STK36: variants seen among roughly 807,000 people sequenced by gnomAD.
STK36 encodes serine/threonine-protein kinase 36.
In STK36, 116 loss-of-function variants were observed where a neutral mutation model predicts 142.2. That is an observed-to-expected ratio of 0.82 (90% CI 0.70 to 0.95). The LOEUF is 0.95. Ranked by LOEUF, STK36 falls within the 40% of genes least tolerant of loss-of-function variation. The pLI, the probability that STK36 is intolerant of heterozygous loss-of-function variation, is 0.00. For synonymous variants in STK36, 619 were observed against 641.7 expected, an observed-to-expected ratio of 0.96 and a Z score of 0.53; for missense variants, 1,422 against 1,617.2, an observed-to-expected ratio of 0.88 and a Z score of 2.07.
chr2:218,700,495 A>T (rs2710258), intron 26 of STK36, among the ~76,000 whole-genome samples: 1 of 151,878 alleles, frequency 6.6e-6, no homozygotes, highest in East Asian at 2.0e-4. Context: ...TCTGCCTCCC[A>T]GGTTCAAGTG....
chr2:218,681,129 G>GTT (rs544336140), intron 10 of STK36, among the ~76,000 whole-genome samples: 23 of 133,690 alleles, frequency 1.7e-4, no homozygotes, highest in Admixed American at 2.3e-4. Context: ...TACCACAATC[G>GTT]TTTTTTTTTT....
In STK36 at chr2:218,672,522, T is replaced by A. The variant is rs928036175; in HGVS notation, c.-89-219T>A. On this transcript the variant is annotated intron_variant, in intron 1 of 26. Transcript: ENST00000295709. ...AAGAGTAGGGTCGAGTGAGCCAGGCTGGGTGAGGGAGAAGGGGAACCAGGT... is the reference window on the plus strand; with the variant it reads ...AAGAGTAGGGTCGAGTGAGCCAGGCAGGGTGAGGGAGAAGGGGAACCAGGT... 1.4e-5 allele frequency: 5 copies of A among 368,272 alleles called. No individual in the cohort carries two copies. In the Admixed American group the frequency reaches 2.0e-4, roughly 15 times the overall value. The allele number at this position is 368,272 out of a possible 1,614,324, so 22.8% of individuals were successfully genotyped here.
At chr2:218,695,596 C>G (rs1388145613) in intron 21 of STK36, among the ~76,000 whole-genome samples, 1 of 137,862 alleles carries the variant, frequency 7.3e-6, no homozygotes, top group Non-Finnish European at 1.5e-5. Flanking sequence ...TGTAGTGGCA[C>G]GATCTTGGCT....
intron 25 of STK36, 58 bp downstream of exon 25, chr2:218,698,059 A>G (rs1245848634): frequency 6.2e-6 from 10 of 1,605,680 alleles, no homozygotes; most frequent in Non-Finnish European, 7.7e-6. Flanking sequence ...TGTATCCTCT[A>G]ATTTACTTCC....
Position 218,692,261 on chromosome 2 carries a change from C to G in STK36, c.1883C>G (p.Thr628Arg). 6.2e-7 allele frequency: 1 copy of G among 1,614,198 alleles called. No homozygotes were observed. Among genetic ancestry groups the G allele is most frequent in the Non-Finnish European group, 8.5e-7 (1 of 1,180,044 alleles). The change falls in exon 15 of 27, where the codon ACA becomes AGA. Residue 628 changes from threonine to arginine, a missense_variant. Thr to Arg is a moderately conservative substitution (Grantham distance 71). This residue lies in a region of STK36 where 962 missense variants were observed against 1,167.5 expected (regional missense o/e 0.82). Coordinates refer to ENST00000295709, the MANE Select transcript of STK36 (RefSeq NM_015690.5). ...VVLDGLLHGL[T>R]VPQLPVHTPQ... ...TTGGATGGGCTCCTTCATGGCTTGA[C>G]AGTTCCACAGCTCCCTGTCCACACT...
chr2:218,672,858 T>G lies in STK36; in HGVS notation c.29T>G (p.Ile10Ser). 6.2e-7 allele frequency: 1 copy of G among 1,614,062 alleles called. No homozygotes were observed. The highest frequency in any genetic ancestry group is 1.1e-5 in the South Asian group (1 of 91,068). ...GAAAAGTACCACGTGTTGGAGATGA[T>G]TGGAGAAGGCTCTTTTGGGAGGGTG... Reference protein sequence around the residue: MEKYHVLEMIGEGSFGRVYK... With the variant: MEKYHVLEMSGEGSFGRVYK... The change falls in exon 2 of 27, where the codon ATT becomes AGT. Residue 10 changes from isoleucine (I) to serine (S), a missense_variant. Ile to Ser is a moderately radical substitution (Grantham distance 142, BLOSUM62 -2). Around this residue, in one of 2 missense-constraint regions of STK36, gnomAD observed 460 missense variants for 449.6 expected, o/e 1.02. Transcript: ENST00000295709.
At chr2:218,676,947 G>A (rs967435971) in intron 6 of STK36, among the ~76,000 whole-genome samples, 1 of 151,970 alleles carries the variant, frequency 6.6e-6, no homozygotes, top group Non-Finnish European at 1.5e-5. Flanking sequence ...ACTGCTCCCA[G>A]CCTGAGACAG....
In STK36 at chr2:218,676,045, A is replaced by T; in HGVS notation, c.451A>T (p.Ser151Cys). Residue 151 changes from serine to cysteine, a missense_variant, in exon 6 of 27, where the codon AGC (serine) becomes TGC (cysteine). By Grantham distance (112) the Ser-to-Cys change is moderately radical. Coordinates refer to ENST00000295709, the MANE Select transcript of STK36 (RefSeq NM_015690.5). Reference protein sequence around the residue: ...LCDFGFARAMSTNTMVLTSIK... With the variant: ...LCDFGFARAMCTNTMVLTSIK... Reference sequence around the variant, plus strand: ...CTTCTGCAGATTTGCCCGGGCTATGAGCACCAATACAATGGTGCTGACATC... The same window carrying T: ...CTTCTGCAGATTTGCCCGGGCTATGTGCACCAATACAATGGTGCTGACATC... The T allele has an allele frequency of 1.2e-6, 2 of 1,613,948 alleles. No individual in the cohort carries two copies. Among genetic ancestry groups the T allele is most frequent in the Non-Finnish European group, 1.7e-6 (2 of 1,179,946 alleles).
chr2:218,681,581 T>A (rs917182557), intron 10 of STK36, among the ~76,000 whole-genome samples: 1 of 152,182 alleles, frequency 6.6e-6, no homozygotes, highest in Non-Finnish European at 1.5e-5. Context: ...GCTAAGACGG[T>A]AATTTATAAA....
At position 218,696,606 on chromosome 2, in the gene STK36, A is replaced by G; in HGVS notation, c.2586+5A>G. 6.2e-7 allele frequency: 1 copy of G among 1,613,968 alleles called. No homozygotes were observed. The highest frequency in any genetic ancestry group is 8.5e-7 in the Non-Finnish European group (1 of 1,179,832). On this transcript the variant is annotated splice_donor_5th_base_variant and intron_variant, in intron 22 of 26. Coordinates refer to ENST00000295709, the MANE Select transcript of STK36 (RefSeq NM_015690.5). ...CTGTTGCAGCTCCTCACTGAGGTACAGATGGATCTTGGGATGGATGGGAAG... is the reference window on the plus strand; with the variant it reads ...CTGTTGCAGCTCCTCACTGAGGTACGGATGGATCTTGGGATGGATGGGAAG...
chr2:218,672,328 T>A, intron 1 of STK36, 113 bp downstream of exon 1: 1 of 364,194 alleles, frequency 2.7e-6, no homozygotes, highest in Non-Finnish European at 5.1e-6. Context: ...AGGGAATCCG[T>A]CCCTTGGCCT....
chr2:218,680,610 C>T lies in STK36; in HGVS notation c.1144C>T (p.Arg382Trp), dbSNP rs199949532. The change falls in exon 10 of 27, where the codon CGG (arginine) becomes TGG (tryptophan). Residue 382 changes from arginine to tryptophan, a missense_variant. Physicochemically the swap from Arg to Trp is moderately radical, Grantham distance 101. Around this residue, in one of 2 missense-constraint regions of STK36, gnomAD observed 962 missense variants for 1,167.5 expected, o/e 0.82. Coordinates refer to ENST00000295709, the MANE Select transcript of STK36 (RefSeq NM_015690.5). Reference sequence around the variant, plus strand: ...CTTGGCTTCCTCCGGCAGGGAAAACCGGACCACCCCAGATTGTGAACGAGC... The same window carrying T: ...CTTGGCTTCCTCCGGCAGGGAAAACTGGACCACCCCAGATTGTGAACGAGC... ...GEVPSAPREN[R>W]TTPDCERAFP... 25 of 1,612,790 alleles carry T rather than the reference C, an allele frequency of 1.6e-5. No individual in the cohort carries two copies. Among genetic ancestry groups the T allele is most frequent in the East Asian group, 8.9e-5 (4 of 44,856 alleles).
chr2:218,678,467 TCCCTATGGG>T (rs1366023486), intron 6 of STK36, among the ~76,000 whole-genome samples: 2 of 152,170 alleles, frequency 1.3e-5, no homozygotes, highest in Admixed American at 6.5e-5. Context: ...ATATTCATTC[TCCCTATGGG>T]CAGATACTCA....
chr2:218,680,268 G>A (rs1428552628), intron 9 of STK36, among the ~76,000 whole-genome samples, 188 bp downstream of exon 9: 1 of 152,096 alleles, frequency 6.6e-6, no homozygotes, highest in African/African-American at 2.4e-5. Context: ...GGAAACTTGG[G>A]GACTTTCTCT....
chr2:218,676,218 G>A lies in STK36; in HGVS notation c.624G>A (p.Leu208=), dbSNP rs775570767. 6.2e-7 allele frequency: 1 copy of A among 1,614,102 alleles called. No individual in the cohort carries two copies. Among genetic ancestry groups the A allele is most frequent in the East Asian group, 2.2e-5 (1 of 44,882 alleles). ...PPFYATSIFQ[L]VSLILKDPVR... Reference sequence around the variant, plus strand: ...TCTATGCTACAAGCATCTTTCAGCTGGTCAGCCTCATTCTCAAGGACCCTG... The same window carrying A: ...TCTATGCTACAAGCATCTTTCAGCTAGTCAGCCTCATTCTCAAGGACCCTG... The change falls in exon 6 of 27, where the codon CTG becomes CTA. Residue 208 remains leucine, a synonymous_variant. Coordinates refer to ENST00000295709, the MANE Select transcript of STK36 (RefSeq NM_015690.5).
At chr2:218,701,124 G>A (rs1233566450) in intron 26 of STK36, among the ~76,000 whole-genome samples, 1 of 146,216 alleles carries the variant, frequency 6.8e-6, no homozygotes, top group Non-Finnish European at 1.5e-5. Context: ...AATTTGAGAG[G>A]ATGGTGAAGA....
Position 218,694,295 on chromosome 2 carries a change from CTCTT to C in STK36, c.2370_2373del (p.Phe791ProfsTer9). The C allele has an allele frequency of 6.2e-7, 1 of 1,614,154 alleles. No homozygotes were observed. The highest frequency in any genetic ancestry group is 8.5e-7 in the Non-Finnish European group (1 of 1,179,988). On this transcript the variant is annotated frameshift_variant, in exon 20 of 27. Coordinates refer to ENST00000295709, the MANE Select transcript of STK36 (RefSeq NM_015690.5). LOFTEE classifies it high-confidence loss of function. This position sits in a 1 kb window ranked among gnomAD's most constrained non-coding sequence, Gnocchi z 4.4. ...GAAGCTAGGCAGTGACGTTGCTACT[CTCTT>C]TACCCATTCGCATGTCGTCTCTCTT...
chr2:218,679,923 C>G lies in STK36; in HGVS notation c.979C>G (p.Gln327Glu). The G allele has an allele frequency of 6.2e-7, 1 of 1,614,054 alleles. No homozygotes were observed. Among genetic ancestry groups the G allele is most frequent in the Non-Finnish European group, 8.5e-7 (1 of 1,179,970 alleles). The change falls in exon 9 of 27, where the codon CAA becomes GAA. Residue 327 changes from glutamine to glutamate, a missense_variant. Coordinates refer to ENST00000295709, the MANE Select transcript of STK36 (RefSeq NM_015690.5). ...KHQNTGPALE[Q>E]EDKTSKVAPG... ...TCAGAACACAGGACCTGCCCTTGAG[C>G]AAGAGGACAAGACCAGCAAGGTGGC... is the stretch of plus-strand genomic sequence containing the variant.
chr2:218,682,178 C>T (rs60456158), intron 10 of STK36, among the ~76,000 whole-genome samples: 9,136 of 152,162 alleles, frequency 0.06, 915 homozygotes, highest in African/African-American at 0.21. Flanking sequence ...CTGCCTGCCT[C>T]GGCCTCCCAA....
Sources: gnomAD v4.1 joint callset for allele counts (sites outside exome capture counted in the v4.1 genomes callset) on GRCh38, gnomAD v4.1.1 for gene constraint, gnomAD v4.1.1 regional missense constraint, Gnocchi (gnomAD v3.1) non-coding constraint, MANE v1.5 for transcripts, NCBI Gene and HGNC (gene_info 2026-07-23, HGNC 2026-07-21) for gene names.